SNTG1: variants seen among roughly 807,000 people sequenced by gnomAD.
SNTG1 encodes syntrophin gamma 1.
SNTG1 carries 39 observed loss-of-function variants against 74.7 expected under a neutral mutation model. The observed-to-expected ratio is 0.52, with a 90% confidence interval of 0.40 to 0.68. The LOEUF (loss-of-function observed/expected upper bound fraction) is 0.68. SNTG1 is among the 30% of genes least tolerant of loss of function. The pLI is 0.00. For missense variants in SNTG1, 685 were observed against 609.5 expected (o/e 1.12, Z -1.30); for synonymous variants, 254 against 217.1 (o/e 1.17, Z -1.49).
chr8:50,261,109 C>A (rs2087169846), intron 2 of SNTG1, among the ~76,000 whole-genome samples: 1 of 152,122 alleles, frequency 6.6e-6, no homozygotes, highest in Non-Finnish European at 1.5e-5. Flanking sequence ...ATATTATATT[C>A]AAACTGCAGA....
chr8:50,267,211 G>C (rs2087527506), intron 2 of SNTG1, among the ~76,000 whole-genome samples: 1 of 151,502 alleles, frequency 6.6e-6, no homozygotes, highest in South Asian at 2.1e-4. Flanking sequence ...GTTTTTTTAG[G>C]GTTAACCTAA....
At chr8:50,076,197 C>T (rs1821869573) in intron 1 of SNTG1, among the ~76,000 whole-genome samples, 1 of 152,110 alleles carries the variant, frequency 6.6e-6, no homozygotes, top group African/African-American at 2.4e-5. Context: ...GAGCTTGAGC[C>T]AGCAAATTCC....
rs565653343 is a variant in SNTG1 at position 49,939,655 on chromosome 8, C to A, written c.-103+27424C>A. Reference sequence around the variant, plus strand: ...ATGTCTTTTGAGTTGGCTCAGTTAACCATGGGTAACAAGGCATAAAATGAC... The same window carrying A: ...ATGTCTTTTGAGTTGGCTCAGTTAAACATGGGTAACAAGGCATAAAATGAC... On this transcript the variant is annotated intron_variant, in intron 1 of 18. Coordinates refer to ENST00000642720, the MANE Select transcript of SNTG1 (RefSeq NM_018967.5). Among the ~76,000 whole-genome samples the A allele has an allele frequency of 7.2e-5, 11 of 152,276 alleles. No individual in the cohort carries two copies. In the South Asian group the frequency reaches 1.5e-3, roughly 20 times the overall value.
intron 13 of SNTG1, among the ~76,000 whole-genome samples, chr8:50,609,996 T>C (rs1331610059): frequency 6.6e-6 from 1 of 152,120 alleles, no homozygotes; most frequent in Non-Finnish European, 1.5e-5. Flanking sequence ...GCTTCTTTTT[T>C]CCCCCAGAAA....
chr8:50,792,233 T>C (rs2095693044), intron 18 of SNTG1, among the ~76,000 whole-genome samples: 1 of 151,868 alleles, frequency 6.6e-6, no homozygotes, highest in Non-Finnish European at 1.5e-5. Context: ...CTTATTCAGT[T>C]TCTTATGGCA....
intron 11 of SNTG1, among the ~76,000 whole-genome samples, chr8:50,548,804 T>C (rs1302119702): frequency 6.6e-6 from 1 of 152,194 alleles, no homozygotes; most frequent in Non-Finnish European, 1.5e-5. Flanking sequence ...TCTTAACATT[T>C]GAAATGGATT....
intron 16 of SNTG1, among the ~76,000 whole-genome samples, chr8:50,706,030 T>G (rs1267050691): frequency 6.6e-6 from 1 of 152,228 alleles, no homozygotes; most frequent in African/African-American, 2.4e-5. Flanking sequence ...ACATATATTT[T>G]GAACATGTTG....
intron 9 of SNTG1, among the ~76,000 whole-genome samples, chr8:50,511,406 A>T (rs56840341): frequency 0.054 from 8,259 of 152,212 alleles, 338 homozygotes; most frequent in South Asian, 0.18. Flanking sequence ...TTTGGGGTGG[A>T]GAGTTCTGTA....
chr8:50,338,365 T>A (rs1226723719), intron 2 of SNTG1, among the ~76,000 whole-genome samples: 1 of 152,092 alleles, frequency 6.6e-6, no homozygotes, highest in East Asian at 1.9e-4. Context: ...GCATCATGTC[T>A]GGCTTTCAAT....
intron 2 of SNTG1, among the ~76,000 whole-genome samples, chr8:50,377,347 C>T (rs2092406050): frequency 6.6e-6 from 1 of 152,104 alleles, no homozygotes; most frequent in Non-Finnish European, 1.5e-5. Flanking sequence ...TTAACAACTT[C>T]GTACATAATT....
chr8:50,674,907 T>C (rs1038433805), intron 15 of SNTG1, among the ~76,000 whole-genome samples: 2 of 152,086 alleles, frequency 1.3e-5, no homozygotes, highest in Non-Finnish European at 2.9e-5. Flanking sequence ...GATTTCTGCT[T>C]TAATTTCATT....
At chr8:50,183,694 A>C (rs1354221354) in intron 2 of SNTG1, among the ~76,000 whole-genome samples, 1 of 152,194 alleles carries the variant, frequency 6.6e-6, no homozygotes, top group Non-Finnish European at 1.5e-5. Flanking sequence ...AAGTAGCAAA[A>C]TATGACTCAA....
chr8:50,099,536 A>T (rs556296434), intron 1 of SNTG1, among the ~76,000 whole-genome samples: 7 of 152,232 alleles, frequency 4.6e-5, no homozygotes, highest in African/African-American at 1.7e-4. Flanking sequence ...GCCAAATGGT[A>T]GATCTATATG....
At chr8:50,131,327 G>A (rs1342335375) in intron 1 of SNTG1, among the ~76,000 whole-genome samples, 1 of 152,002 alleles carries the variant, frequency 6.6e-6, no homozygotes, top group East Asian at 1.9e-4. Flanking sequence ...TTTTTTGGAG[G>A]TATAATTGAA....
chr8:50,047,504 T>C (rs1819197732), intron 1 of SNTG1, among the ~76,000 whole-genome samples: 1 of 152,146 alleles, frequency 6.6e-6, no homozygotes, highest in Admixed American at 6.5e-5. Flanking sequence ...AATTAAGAGA[T>C]ACTAGGTAAT....
At chr8:50,063,257 G>C (rs1820627832) in intron 1 of SNTG1, among the ~76,000 whole-genome samples, 1 of 152,228 alleles carries the variant, frequency 6.6e-6, no homozygotes, top group African/African-American at 2.4e-5. Context: ...CTTCAGAGAT[G>C]AATTCATAGA....
chr8:50,404,627 T>A (rs1563341184), intron 4 of SNTG1, among the ~76,000 whole-genome samples: 2 of 129,220 alleles, frequency 1.5e-5, no homozygotes, highest in South Asian at 4.9e-4. Context: ...GTCAGTTAAG[T>A]TTTTTTTTTT....
chr8:50,530,053 AATT>A (rs754262032), intron 9 of SNTG1, 121 bp from the exon 10 acceptor site: 58 of 787,000 alleles, frequency 7.4e-5, no homozygotes, highest in Non-Finnish European at 1.2e-4. Context: ...ACTGAGATAA[AATT>A]GTATTGTAAT....
chr8:50,306,782 C>A (rs936951991), intron 2 of SNTG1, among the ~76,000 whole-genome samples: 5 of 151,580 alleles, frequency 3.3e-5, no homozygotes, highest in African/African-American at 9.7e-5. Context: ...ATTTCAGATA[C>A]TAGTCCTTTG....
Sources: gnomAD v4.1 joint callset for allele counts (sites outside exome capture counted in the v4.1 genomes callset) on GRCh38, gnomAD v4.1.1 for gene constraint, MANE v1.5 for transcripts, NCBI Gene and HGNC (gene_info 2026-07-23, HGNC 2026-07-21) for gene names.